The following FSIP1 variants were observed in gnomAD, a reference collection of about 807,000 sequenced individuals.
The protein encoded by FSIP1 is fibrous sheath-interacting protein 1.
In FSIP1, 65 loss-of-function variants were observed where a neutral mutation model predicts 60.9. The ratio of observed to expected loss-of-function variants is 1.07; its 90% CI spans 0.87 to 1.31. The LOEUF is 1.31. FSIP1 is among the 40% of genes most tolerant of loss of function. The pLI is 0.00. For missense variants in FSIP1, 675 were observed against 665.5 expected (o/e 1.01, Z -0.16); for synonymous variants, 209 against 221.2 (o/e 0.94, Z 0.49).
chr15:39,648,618 A>G (rs193124846), intron 10 of FSIP1, among the ~76,000 whole-genome samples: 1 of 152,366 alleles, frequency 6.6e-6, no homozygotes, highest in Admixed American at 6.5e-5. Flanking sequence ...CAGATTTTTA[A>G]AATTATAGTG....
intron 1 of FSIP1, among the ~76,000 whole-genome samples, chr15:39,782,253 C>G (rs1344356852): frequency 1.3e-5 from 2 of 152,172 alleles, no homozygotes; most frequent in Non-Finnish European, 1.5e-5. Context: ...AGTTGAGTCT[C>G]TAATCAATTG....
At chr15:39,712,689 T>TAG in intron 10 of FSIP1, among the ~76,000 whole-genome samples, 2 of 152,200 alleles carry the variant, frequency 1.3e-5, no homozygotes, top group African/African-American at 2.4e-5. Context: ...GCTGAAAACA[T>TAG]TCTATGGGTA....
chr15:39,638,539 G>T lies in FSIP1; in HGVS notation c.1189-20294C>A, dbSNP rs372867444. 3.3e-5 allele frequency among the ~76,000 whole-genome samples: 5 copies of T among 152,262 alleles called. 1 individual carries two copies. Among genetic ancestry groups the T allele is most frequent in the Admixed American group, 6.5e-5 (1 of 15,296 alleles). ...CACGGCGATTTCTCATCTTAAGCAG[G>T]TATGTAGTCTTCTCTCTTGCTACAA... On this transcript the variant is annotated intron_variant, in intron 10 of 11. Transcript: ENST00000350221.
intron 1 of FSIP1, among the ~76,000 whole-genome samples, chr15:39,780,628 T>C (rs8026892): frequency 0.15 from 23,498 of 152,292 alleles, 2,281 homozygotes; most frequent in Admixed American, 0.29. Context: ...AGCACTTTTT[T>C]CATCAGTTCA....
chr15:39,667,970 T>C (rs912968265), intron 10 of FSIP1, among the ~76,000 whole-genome samples: 2 of 152,152 alleles, frequency 1.3e-5, no homozygotes, highest in East Asian at 3.9e-4. Flanking sequence ...ATTAAAGTCC[T>C]GAGAAGCAGA....
chr15:39,633,383 C>A (rs998837388), intron 10 of FSIP1, among the ~76,000 whole-genome samples: 2 of 152,108 alleles, frequency 1.3e-5, no homozygotes, highest in African/African-American at 4.8e-5. Flanking sequence ...CCACTGCACT[C>A]GGCCTGGCTA....
At position 39,673,223 on chromosome 15, in the gene FSIP1, G is replaced by A. The variant is rs561255178; in HGVS notation, c.1188+40221C>T. ...TAAAATTCTCTTTTTACTAACCTAG[G>A]AGTAAACGCAACACAGTCTCATAAA... On this transcript the variant is annotated intron_variant, in intron 10 of 11. Transcript: ENST00000350221. Among the ~76,000 whole-genome samples, 4 of 152,312 alleles carry A rather than the reference G, an allele frequency of 2.6e-5. No homozygotes were observed. In the South Asian group the frequency reaches 6.2e-4, roughly 24 times the overall value.
intron 5 of FSIP1, among the ~76,000 whole-genome samples, chr15:39,742,316 G>A (rs1023711432): frequency 6.6e-6 from 1 of 152,100 alleles, no homozygotes; most frequent in Non-Finnish European, 1.5e-5. Context: ...TCAAATATGC[G>A]ATCAGTCATT....
At chr15:39,759,174 C>A (rs1438358732) in intron 5 of FSIP1, among the ~76,000 whole-genome samples, 2 of 151,348 alleles carry the variant, frequency 1.3e-5, no homozygotes, top group African/African-American at 2.4e-5. Context: ...CTAACTAGAG[C>A]AAGAAATGTC....
At position 39,642,430 on chromosome 15, in the gene FSIP1, C is replaced by A. The variant is rs534491620; in HGVS notation, c.1189-24185G>T. Among the ~76,000 whole-genome samples, 4 of 152,306 alleles carry A rather than the reference C, an allele frequency of 2.6e-5. No individual in the cohort carries two copies. In the South Asian group the frequency reaches 8.3e-4, roughly 32 times the overall value. On this transcript the variant is annotated intron_variant, in intron 10 of 11. Transcript: ENST00000350221. ...TACATGAGTGGCTGTCTCCAGCTCA[C>A]TCACAGACTTGGGGGCGGCTCTTAG...
rs376960038 is a variant in FSIP1 at position 39,770,476 on chromosome 15, T to C, written c.261A>G (p.Ser87=). The change falls in exon 3 of 12, where the codon TCA becomes TCG. Residue 87 remains serine, a synonymous_variant. Coordinates refer to ENST00000350221, the MANE Select transcript of FSIP1 (RefSeq NM_152597.5). ...SEKIKLAEEG[S]DEDLDLVQHQ... ...GTTGAACCAAATCCAGATCTTCATC[T>C]GATCCCTCTTCAGCCAATTTTATTT... The C allele has an allele frequency of 6.2e-6, 10 of 1,610,682 alleles. No homozygotes were observed. The highest frequency in any genetic ancestry group is 2.2e-5 in the South Asian group (2 of 90,188).
At chr15:39,753,353 G>A (rs1190133608) in intron 5 of FSIP1, among the ~76,000 whole-genome samples, 1 of 152,006 alleles carries the variant, frequency 6.6e-6, no homozygotes, top group Non-Finnish European at 1.5e-5. Flanking sequence ...GCCTGACAAA[G>A]CAAACACACA....
At chr15:39,704,061 A>G (rs1043665725) in intron 10 of FSIP1, among the ~76,000 whole-genome samples, 2 of 152,218 alleles carry the variant, frequency 1.3e-5, no homozygotes, top group African/African-American at 4.8e-5. Flanking sequence ...CCTGTGATTA[A>G]GAGAACAAAT....
chr15:39,709,150 C>T (rs751300287), intron 10 of FSIP1, among the ~76,000 whole-genome samples: 4 of 152,186 alleles, frequency 2.6e-5, no homozygotes, highest in African/African-American at 9.7e-5. Flanking sequence ...CCAGTAACCC[C>T]CAGGGTTCCT....
Position 39,726,741 on chromosome 15 carries a change from G to A in FSIP1, c.898C>T (p.Gln300Ter). The A allele has an allele frequency of 6.2e-7, 1 of 1,613,824 alleles. No individual in the cohort carries two copies. The highest frequency in any genetic ancestry group is 8.5e-7 in the Non-Finnish European group (1 of 1,179,914). ...DSGLSSSEGDQSGWVVPVKGY... is the reference protein window; with the variant it reads ...DSGLSSSEGD ...TTTACTGGGACCACCCAGCCAGACTGATCACCCTAAGAGGAAACAAGGGTC... is the reference window on the plus strand; with the variant it reads ...TTTACTGGGACCACCCAGCCAGACTAATCACCCTAAGAGGAAACAAGGGTC... Residue 300 changes from glutamine to a stop codon, truncating the protein, a stop_gained, in exon 9 of 12, where the codon CAG (glutamine) becomes TAG (stop). Coordinates refer to ENST00000350221, the MANE Select transcript of FSIP1 (RefSeq NM_152597.5). LOFTEE classifies it high-confidence loss of function.
intron 10 of FSIP1, among the ~76,000 whole-genome samples, chr15:39,700,599 T>C (rs2631697): frequency 0.55 from 84,311 of 152,060 alleles, 25,780 homozygotes; most frequent in Non-Finnish European, 0.7. Context: ...TTGCTTTCCA[T>C]TTTGAGCTCC....
intron 10 of FSIP1, among the ~76,000 whole-genome samples, chr15:39,712,627 A>G (rs1036723162): frequency 6.6e-6 from 1 of 152,230 alleles, no homozygotes; most frequent in Non-Finnish European, 1.5e-5. Flanking sequence ...CAAGACCACA[A>G]TCACAAGCTC....
At chr15:39,621,095 A>T (rs1170062935) in intron 10 of FSIP1, among the ~76,000 whole-genome samples, 1 of 151,714 alleles carries the variant, frequency 6.6e-6, no homozygotes. Flanking sequence ...CAAATTCAAA[A>T]TTAGGTACAA....
intron 5 of FSIP1, among the ~76,000 whole-genome samples, chr15:39,761,635 T>C (rs1040813020): frequency 1.3e-5 from 2 of 152,174 alleles, no homozygotes; most frequent in African/African-American, 4.8e-5. Flanking sequence ...AATAAGGGTT[T>C]TTCTTTGAGA....
Sources: gnomAD v4.1 joint callset for allele counts (sites outside exome capture counted in the v4.1 genomes callset) on GRCh38, gnomAD v4.1.1 for gene constraint, MANE v1.5 for transcripts, NCBI Gene and HGNC (gene_info 2026-07-23, HGNC 2026-07-21) for gene names.